The following TBL1X variants were observed in gnomAD, a reference collection of about 807,000 sequenced individuals.
The protein encoded by TBL1X is F-box-like/WD repeat-containing protein TBL1X.
TBL1X carries 10 observed loss-of-function variants against 50.7 expected under a neutral mutation model. That is an observed-to-expected ratio of 0.20 (90% CI 0.12 to 0.33). TBL1X has a LOEUF of 0.33. TBL1X is among the 10% of genes least tolerant of loss of function. The pLI, the probability that TBL1X is intolerant of heterozygous loss-of-function variation, is 1.00. For synonymous variants in TBL1X, 190 were observed against 214.7 expected (o/e 0.88, Z 1.01); for missense variants, 340 against 504.4 (o/e 0.67, Z 3.12).
At chrX:9,662,418 C>T (rs1011937812) in intron 5 of TBL1X, among the ~76,000 whole-genome samples, 6 of 111,937 alleles carry the variant, frequency 5.4e-5, no homozygotes, top group Admixed American at 4.7e-4. Flanking sequence ...GGCTCCAGCA[C>T]GGATGACACT....
intron 1 of TBL1X, among the ~76,000 whole-genome samples, chrX:9,496,993 A>T (rs1482314452): frequency 8.9e-6 from 1 of 112,217 alleles, no homozygotes; most frequent in Non-Finnish European, 1.9e-5. Context: ...TTTCAAGGAC[A>T]GATGACACAC....
At chrX:9,703,278 C>T (rs977171645) in intron 12 of TBL1X, among the ~76,000 whole-genome samples, 1 of 103,529 alleles carries the variant, frequency 9.7e-6, no homozygotes, top group Non-Finnish European at 2.0e-5. Context: ...GAAGAGATCA[C>T]CAGAGAAGGG....
chrX:9,568,336 G>T (rs1174023893), intron 2 of TBL1X, among the ~76,000 whole-genome samples: 3 of 108,866 alleles, frequency 2.8e-5, no homozygotes, highest in Non-Finnish European at 5.7e-5. Context: ...GGCGGGCTGT[G>T]TATGTTGTGT....
In TBL1X at chrX:9,691,706, C is replaced by T. The variant is rs141374400; in HGVS notation, c.744C>T (p.Ala248=). ...CAWNPVSDLL[A]SGSGDSTARI... ...GGAATCCTGTCAGTGATTTGCTAGC[C>T]TCCGGGTAAGGATGTCAGGGTGGGG... Residue 248 remains alanine (A), a synonymous_variant, in exon 8 of 18, where the codon GCC becomes GCT. Coordinates refer to ENST00000645353, the MANE Select transcript of TBL1X (RefSeq NM_005647.4). 2.5e-6 allele frequency: 3 copies of T among 1,193,083 alleles called. No individual in the cohort carries two copies. The African/African-American group carries it at 5.8e-5, about 23-fold the overall frequency.
chrX:9,646,329 C>A (rs2082804444), intron 3 of TBL1X, among the ~76,000 whole-genome samples: 1 of 112,436 alleles, frequency 8.9e-6, no homozygotes, highest in Non-Finnish European at 1.9e-5. Flanking sequence ...GTAAAACAAG[C>A]CTGTGTCAGC....
Position 9,716,345 on chromosome X carries a change from C to A in TBL1X, c.*99C>A. 7.9e-6 allele frequency: 7 copies of A among 888,767 alleles called. No homozygotes were observed. The highest frequency in any genetic ancestry group is 9.5e-6 in the Non-Finnish European group (6 of 630,775). 73.2% of individuals were successfully genotyped at this position (888,767 alleles called of 1,213,427 possible). A position where few individuals can be genotyped will look rare whatever the true frequency, so the allele number is the denominator to read the frequency against. On this transcript the variant is annotated 3_prime_UTR_variant, in exon 18 of 18. Transcript: ENST00000645353. Reference sequence around the variant, plus strand: ...TCCAAAACTGTAGGAACTTGACTTGCGTTAGAGTGTACTCTGAAACCAACT... The same window carrying A: ...TCCAAAACTGTAGGAACTTGACTTGAGTTAGAGTGTACTCTGAAACCAACT...
At chrX:9,643,418 A>C in intron 3 of TBL1X, among the ~76,000 whole-genome samples, 1 of 112,069 alleles carries the variant, frequency 8.9e-6, no homozygotes, top group South Asian at 3.7e-4. Context: ...TGGGGCATTA[A>C]ATTACAAAAT....
chrX:9,571,362 C>T (rs918902297), intron 2 of TBL1X, among the ~76,000 whole-genome samples: 3 of 111,984 alleles, frequency 2.7e-5, no homozygotes, highest in African/African-American at 9.7e-5. Context: ...AAATCATCTG[C>T]ATAATTTGAG....
At chrX:9,683,194 C>T (rs1248025363) in intron 5 of TBL1X, among the ~76,000 whole-genome samples, 2 of 111,914 alleles carry the variant, frequency 1.8e-5, no homozygotes, top group South Asian at 3.7e-4. Context: ...CACCCCCAGA[C>T]CTCCACATAG....
chrX:9,473,613 T>G (rs2081831289), intron 1 of TBL1X, among the ~76,000 whole-genome samples: 1 of 112,221 alleles, frequency 8.9e-6, no homozygotes, highest in South Asian at 3.7e-4. Flanking sequence ...GTTTTCAACG[T>G]TGAGCTCTGG....
chrX:9,572,677 A>G (rs2082392007), intron 2 of TBL1X, among the ~76,000 whole-genome samples: 1 of 112,649 alleles, frequency 8.9e-6, no homozygotes, highest in Non-Finnish European at 1.9e-5. Context: ...TGAGTTTATG[A>G]CTTTATTTAC....
intron 2 of TBL1X, among the ~76,000 whole-genome samples, chrX:9,617,520 G>A (rs1346185855): frequency 3.6e-5 from 4 of 112,286 alleles, no homozygotes; most frequent in Non-Finnish European, 7.5e-5. Context: ...TAACCAAATG[G>A]CATAGCTACA....
At chrX:9,631,110 C>G (rs765181303) in intron 2 of TBL1X, among the ~76,000 whole-genome samples, 24 of 111,465 alleles carry the variant, frequency 2.2e-4, no homozygotes, top group African/African-American at 7.8e-4. Flanking sequence ...CAATCTCGGC[C>G]TCTTATTTAT....
At chrX:9,586,055 T>C (rs924355896) in intron 2 of TBL1X, among the ~76,000 whole-genome samples, 2 of 112,350 alleles carry the variant, frequency 1.8e-5, no homozygotes, top group Admixed American at 1.9e-4. Context: ...ATTGGAAGGA[T>C]CATAAACAGG....
intron 13 of TBL1X, 149 bp downstream of exon 13, chrX:9,705,263 G>A: frequency 2.0e-6 from 2 of 999,349 alleles, no homozygotes; most frequent in Non-Finnish European, 2.7e-6. Flanking sequence ...TTACCCCATG[G>A]TAACCATGGT....
intron 2 of TBL1X, among the ~76,000 whole-genome samples, chrX:9,509,093 T>C (rs2082040904): frequency 9.3e-6 from 1 of 107,188 alleles, no homozygotes; most frequent in Non-Finnish European, 1.9e-5. Context: ...TTTTTTTTTG[T>C]TTTTTTAGAA....
At chrX:9,610,185 G>A (rs886976626) in intron 2 of TBL1X, among the ~76,000 whole-genome samples, 10 of 112,259 alleles carry the variant, frequency 8.9e-5, no homozygotes, top group Non-Finnish European at 1.9e-4. Flanking sequence ...CTCCTGAAGG[G>A]CCCTGGTTGT....
intron 2 of TBL1X, among the ~76,000 whole-genome samples, chrX:9,599,617 A>G (rs377658713): frequency 1.8e-5 from 2 of 112,422 alleles, no homozygotes; most frequent in East Asian, 2.8e-4. Flanking sequence ...GATTACTTCT[A>G]GAAATGTCCT....
chrX:9,684,132 A>G lies in TBL1X; in HGVS notation c.301A>G (p.Ile101Val). The part of the protein sequence containing the change: ...NGTLVPPAAL[I>V]SILQKGLQYV... ...GACGCTAGTGCCACCGGCCGCCCTC[A>G]TCTCCATTCTCCAGAAGGGCCTGCA... Residue 101 changes from isoleucine (I) to valine (V), a missense_variant, in exon 6 of 18, where the codon ATC (isoleucine) becomes GTC (valine). Coordinates refer to ENST00000645353, the MANE Select transcript of TBL1X (RefSeq NM_005647.4). 8.3e-7 allele frequency: 1 copy of G among 1,211,605 alleles called. No homozygotes were observed. Among genetic ancestry groups the G allele is most frequent in the South Asian group, 1.8e-5 (1 of 56,985 alleles).
Sources: allele counts gnomAD v4.1 joint callset (sites outside exome capture counted in the v4.1 genomes callset), GRCh38; gene constraint gnomAD v4.1.1; transcripts MANE v1.5; gene names NCBI Gene and HGNC (gene_info 2026-07-23, HGNC 2026-07-21).